ARMC6: variants seen among roughly 807,000 people sequenced by gnomAD.
The protein encoded by ARMC6 is armadillo repeat-containing protein 6.
Under a neutral mutation model 49.2 loss-of-function variants are expected in ARMC6, and 43 were observed. The observed-to-expected ratio is 0.87, with a 90% CI of 0.69 to 1.13. The LOEUF is 1.13. Ranked by LOEUF, ARMC6 falls within the 50% of genes most tolerant of loss-of-function variation. The pLI, the probability that ARMC6 is intolerant of heterozygous loss-of-function variation, is 0.00. For synonymous variants in ARMC6, 262 were observed against 289.6 expected, an observed-to-expected ratio of 0.90 and a Z score of 0.97; for missense variants, 627 against 682.0, an observed-to-expected ratio of 0.92 and a Z score of 0.90.
chr19:19,040,758 C>T lies in ARMC6; in HGVS notation c.30-1953C>T, dbSNP rs1175839161. 5 of 448,930 alleles carry T rather than the reference C, an allele frequency of 1.1e-5. No individual in the cohort carries two copies. In the Admixed American group the frequency reaches 1.2e-4, roughly 11 times the overall value. 27.8% of individuals were successfully genotyped at this position (448,930 alleles called of 1,614,324 possible). Reference sequence around the variant, plus strand: ...CCGCCTCTGTGCTCAAGTGGTTCTCCTACCTCGGTCTCCCTGATTGCTGGG... The same window carrying T: ...CCGCCTCTGTGCTCAAGTGGTTCTCTTACCTCGGTCTCCCTGATTGCTGGG... On this transcript the variant is annotated intron_variant, in intron 2 of 8. Coordinates refer to ENST00000535612, the MANE Select transcript of ARMC6 (RefSeq NM_001199196.2).
intron 4 of ARMC6, among the ~76,000 whole-genome samples, chr19:19,046,916 C>T (rs915231446): frequency 7.1e-6 from 1 of 141,654 alleles, no homozygotes; most frequent in Non-Finnish European, 1.5e-5. Flanking sequence ...TGTGAGCCAA[C>T]ATGCTCACCT....
rs1220262863 is a variant in ARMC6, at chr19:19,033,918, C to A, written c.-92C>A. The A allele has an allele frequency of 2.4e-6, 1 of 413,200 alleles. No homozygotes were observed. Among genetic ancestry groups the A allele is most frequent in the Non-Finnish European group, 4.4e-6 (1 of 228,938 alleles). The allele number at this position is 413,200 out of a possible 1,614,324, so 25.6% of individuals were successfully genotyped here. On this transcript the variant is annotated 5_prime_UTR_variant, in exon 1 of 9. Transcript: ENST00000535612. ...GCGCGCCCCACCTTTCCCCACGTGG[C>A]CGCGAAGACCGGGTGAGACGCTGCG... is the stretch of plus-strand genomic sequence containing the variant.
In ARMC6 at chr19:19,056,085, C is replaced by T. The variant is rs901252295; in HGVS notation, c.1293+157C>T. 2.1e-5 allele frequency: 16 copies of T among 760,332 alleles called. No homozygotes were observed. In the African/African-American group the frequency reaches 2.1e-4, roughly 10 times the overall value. The allele number at this position is 760,332 out of a possible 1,614,324, so 47.1% of individuals were successfully genotyped here. ...TCCCTGTCCCTCCCACAGCCGAGCC[C>T]CATAGGGCCAACTTCTTTCTCATCT... On this transcript the variant is annotated intron_variant, in intron 8 of 8. Transcript: ENST00000535612.
intron 5 of ARMC6, among the ~76,000 whole-genome samples, chr19:19,053,939 TG>T (rs929619202): frequency 1.3e-5 from 2 of 151,806 alleles, no homozygotes; most frequent in African/African-American, 2.4e-5. Context: ...GGAAGCGGGT[TG>T]GGGGGCACAT....
chr19:19,046,339 G>T (rs1568491912), intron 4 of ARMC6, among the ~76,000 whole-genome samples: 1 of 152,020 alleles, frequency 6.6e-6, no homozygotes, highest in Non-Finnish European at 1.5e-5. Flanking sequence ...TGAGACTACA[G>T]GCGCCTGCCA....
chr19:19,055,964 T>C lies in ARMC6; in HGVS notation c.1293+36T>C. On this transcript the variant is annotated intron_variant, in intron 8 of 8. Coordinates refer to ENST00000535612, the MANE Select transcript of ARMC6 (RefSeq NM_001199196.2). This position sits in a 1 kb window ranked among gnomAD's most constrained non-coding sequence, Gnocchi z 5.7. ...CAGGGGATGGGGGCAGGCAGGCTGGTGTGGGATGTGCAGGTAGGTGCAGAG... is the reference window on the plus strand; with the variant it reads ...CAGGGGATGGGGGCAGGCAGGCTGGCGTGGGATGTGCAGGTAGGTGCAGAG... 1 of 1,588,494 alleles carries C rather than the reference T, an allele frequency of 6.3e-7. No homozygotes were observed. The highest frequency in any genetic ancestry group is 8.5e-7 in the Non-Finnish European group (1 of 1,172,132).
chr19:19,042,936 G>C, intron 3 of ARMC6, 59 bp downstream of exon 3: 1 of 1,591,352 alleles, frequency 6.3e-7, no homozygotes, highest in South Asian at 1.1e-5. Flanking sequence ...AGCAGTGGGA[G>C]AGCCCTGCTG....
Position 19,055,894 on chromosome 19 carries a change from C to T in ARMC6, c.1259C>T (p.Ala420Val). ...EGGGAVAALQ[A>V]MKAHPQKAGV... is the part of the protein sequence containing the mutation. Reference sequence around the variant, plus strand: ...GGCGGGGCTGTGGCAGCACTGCAGGCCATGAAGGCACACCCGCAGAAGGCC... The same window carrying T: ...GGCGGGGCTGTGGCAGCACTGCAGGTCATGAAGGCACACCCGCAGAAGGCC... The change falls in exon 8 of 9, where the codon GCC becomes GTC. Residue 420 changes from alanine to valine, a missense_variant. Ala to Val is a moderately conservative substitution (Grantham distance 64, BLOSUM62 0). Transcript: ENST00000535612. This position sits in a 1 kb window ranked among gnomAD's most constrained non-coding sequence, Gnocchi z 5.7. 6.2e-7 allele frequency: 1 copy of T among 1,612,434 alleles called. No homozygotes were observed. Among genetic ancestry groups the T allele is most frequent in the South Asian group, 1.1e-5 (1 of 91,028 alleles).
rs750261442 is a variant in ARMC6 at position 19,055,227 on chromosome 19, G to A, written c.1024-38G>A. The A allele has an allele frequency of 3.3e-5, 50 of 1,538,152 alleles. No homozygotes were observed. The highest frequency in any genetic ancestry group is 1.7e-4 in the Middle Eastern group (1 of 5,724). On this transcript the variant is annotated intron_variant, in intron 6 of 8. Transcript: ENST00000535612. The surrounding 1 kb of genome is among the most constrained non-coding windows in gnomAD (Gnocchi z 5.7). ...CTCAGAGCCCTCTCCCACAACCAGC[G>A]GCCTGGCTGGAGGTGAGCGGGCCTT...
At chr19:19,034,453 A>G (rs1449717791) in intron 2 of ARMC6, among the ~76,000 whole-genome samples, 2 of 152,088 alleles carry the variant, frequency 1.3e-5, no homozygotes, top group Non-Finnish European at 2.9e-5. Flanking sequence ...TGAGCACGTG[A>G]GTGAGGTGGA....
chr19:19,053,684 G>T (rs2059518535), intron 5 of ARMC6, among the ~76,000 whole-genome samples: 1 of 152,234 alleles, frequency 6.6e-6, no homozygotes, highest in East Asian at 1.9e-4. Context: ...GCCGGCACCT[G>T]CTTCCTGGTG....
At chr19:19,048,472 G>A (rs768152708) in intron 4 of ARMC6, among the ~76,000 whole-genome samples, 2 of 151,384 alleles carry the variant, frequency 1.3e-5, no homozygotes, top group Non-Finnish European at 2.9e-5. Flanking sequence ...GCAGTAAGCC[G>A]AGATCATGCC....
Position 19,054,219 on chromosome 19 carries a change from C to T in ARMC6, c.921C>T (p.Asn307=), listed in dbSNP as rs765609632. ...CCCTGTCCCGCCTGGCCATTCGCAA[C>T]GAGTTCTGCCAGGAGGTCGTCGACC... ...CGTLSRLAIR[N]EFCQEVVDLG... The change falls in exon 6 of 9, where the codon AAC becomes AAT. Residue 307 remains asparagine, a synonymous_variant. Coordinates refer to ENST00000535612, the MANE Select transcript of ARMC6 (RefSeq NM_001199196.2). 151 of 1,611,804 alleles carry T rather than the reference C, an allele frequency of 9.4e-5. No individual in the cohort carries two copies. Among genetic ancestry groups the T allele is most frequent in the Non-Finnish European group, 1.2e-4 (140 of 1,179,126 alleles).
intron 2 of ARMC6, chr19:19,039,524 A>G (rs976049597): frequency 2.0e-5 from 5 of 256,038 alleles, no homozygotes; most frequent in Admixed American, 9.5e-5. Context: ...AGGAAACCCT[A>G]TACCCATTAG....
At chr19:19,038,119 C>G (rs1197685167) in intron 2 of ARMC6, among the ~76,000 whole-genome samples, 1 of 152,208 alleles carries the variant, frequency 6.6e-6, no homozygotes, top group Non-Finnish European at 1.5e-5. Flanking sequence ...TTATGAAAAT[C>G]TAATGCCTGA....
rs1227080231 is a variant in ARMC6, at chr19:19,033,788, C to G, written c.-222C>G. The G allele has an allele frequency of 4.8e-5, 12 of 247,990 alleles. No homozygotes were observed. The highest frequency in any genetic ancestry group is 7.7e-5 in the Non-Finnish European group (10 of 129,344). 15.4% of individuals were successfully genotyped at this position (247,990 alleles called of 1,614,324 possible). Reference sequence around the variant, plus strand: ...TTGGTTCGCGGTCGTCCTTGGTTATCGTGAGCGTCCGCGAGTCTCTGGGAG... The same window carrying G: ...TTGGTTCGCGGTCGTCCTTGGTTATGGTGAGCGTCCGCGAGTCTCTGGGAG... On this transcript the variant is annotated 5_prime_UTR_variant, in exon 1 of 9. In the 5' UTR this introduces an upstream ATG that the reference lacks. Coordinates refer to ENST00000535612, the MANE Select transcript of ARMC6 (RefSeq NM_001199196.2).
chr19:19,056,209 G>C (rs1285112443), intron 8 of ARMC6, among the ~76,000 whole-genome samples: 1 of 151,736 alleles, frequency 6.6e-6, no homozygotes, highest in Non-Finnish European at 1.5e-5. Flanking sequence ...GTTTGGAGGG[G>C]CTTTCTGGTG....
At position 19,055,781 on chromosome 19, in the gene ARMC6, G is replaced by A. The variant is rs28729373; in HGVS notation, c.1156-10G>A. 7 of 1,546,052 alleles carry A rather than the reference G, an allele frequency of 4.5e-6. No homozygotes were observed. In the African/African-American group the frequency reaches 9.5e-5, roughly 21 times the overall value. On this transcript the variant is annotated splice_polypyrimidine_tract_variant and intron_variant, in intron 7 of 8. Coordinates refer to ENST00000535612, the MANE Select transcript of ARMC6 (RefSeq NM_001199196.2). The surrounding 1 kb of genome is among the most constrained non-coding windows in gnomAD (Gnocchi z 5.7). ...CTGCATCTCAGCCTTTCTGTGACTG[G>A]CCCCTGCAGGTGTGTGAGCAGAGCT...
chr19:19,052,462 G>T (rs376768144), intron 5 of ARMC6, among the ~76,000 whole-genome samples: 1 of 152,170 alleles, frequency 6.6e-6, no homozygotes, highest in Non-Finnish European at 1.5e-5. Flanking sequence ...GGCTTGCTGT[G>T]TCCAACTCCA....
Sources: gnomAD v4.1 joint callset for allele counts (sites outside exome capture counted in the v4.1 genomes callset) on GRCh38, gnomAD v4.1.1 for gene constraint, Gnocchi (gnomAD v3.1) non-coding constraint, MANE v1.5 for transcripts, NCBI Gene and HGNC (gene_info 2026-07-23, HGNC 2026-07-21) for gene names.